The following C2orf49 variants were observed in gnomAD, a reference collection of about 807,000 sequenced individuals.
C2orf49 encodes tRNA splicing ligase complex subunit 2, also known as tRNA-splicing ligase complex subunit ASW.
In C2orf49, 11 loss-of-function variants were observed where a neutral mutation model predicts 20.6. That is an observed-to-expected ratio of 0.53 (90% CI 0.34 to 0.88). The LOEUF is 0.88. Ranked by LOEUF, C2orf49 falls within the 40% of genes least tolerant of loss-of-function variation. C2orf49 has a pLI of 0.02. For synonymous variants in C2orf49, 134 were observed against 108.5 expected (o/e 1.24, Z -1.46); for missense variants, 289 against 274.2 (o/e 1.05, Z -0.38).
rs1484527671 is a variant in C2orf49 at position 105,346,916 on chromosome 2, A to G, written c.*1545A>G. On this transcript the variant is annotated 3_prime_UTR_variant, in exon 4 of 4. Transcript: ENST00000258457. ...ACTGTTCTGCTATGTGTTTCTAAGC[A>G]AGAGCAAAGGATACTTCATACTTTT... is the stretch of plus-strand genomic sequence containing the variant. The G allele has an allele frequency of 6.6e-6, 1 of 152,232 alleles. No individual in the cohort carries two copies. The highest frequency in any genetic ancestry group is 1.5e-5 in the Non-Finnish European group (1 of 68,046). The allele number at this position is 152,232 out of a possible 1,614,324, so 9.4% of individuals were successfully genotyped here. A position where few individuals can be genotyped will look rare whatever the true frequency, so the allele number is the denominator to read the frequency against.
chr2:105,339,825 G>C (rs1679618385), intron 2 of C2orf49, 76 bp downstream of exon 2: 10 of 1,309,232 alleles, frequency 7.6e-6, no homozygotes, highest in Non-Finnish European at 8.1e-6. Flanking sequence ...TTTTTCCTGA[G>C]ATAAACTTAA....
chr2:105,384,080 G>A, the C2orf49 span, among the ~76,000 whole-genome samples: 1 of 152,188 alleles, frequency 6.6e-6, no homozygotes, highest in African/African-American at 2.4e-5. Context: ...TGGAGAAACA[G>A]CAAGTGATTT....
chr2:105,339,556 A>G, intron 1 of C2orf49, 27 bp from the exon 2 acceptor site: 1 of 1,573,164 alleles, frequency 6.4e-7, no homozygotes, highest in Non-Finnish European at 8.6e-7. Flanking sequence ...CATTGTTTTG[A>G]AATTACTTTT....
Position 105,339,593 on chromosome 2 carries a change from C to G in C2orf49, c.110C>G (p.Ala37Gly). The G allele has an allele frequency of 1.3e-6, 2 of 1,585,218 alleles. No individual in the cohort carries two copies. Among genetic ancestry groups the G allele is most frequent in the South Asian group, 1.2e-5 (1 of 84,210 alleles). ...TTTCCTTTCCCGCAGAAGAACATAG[C>G]TGTTGAAACTGATGTAAGAGTAAAC... ...LLLTLEQKNI[A>G]VETDVRVNKD... is the part of the protein sequence containing the mutation. The change falls in exon 2 of 4, where the codon GCT becomes GGT. Residue 37 changes from alanine (A) to glycine (G), a missense_variant. Coordinates refer to ENST00000258457, the MANE Select transcript of C2orf49 (RefSeq NM_024093.3).
In C2orf49 at chr2:105,344,454, TATAG is replaced by T. The variant is rs913591206; in HGVS notation, c.643-859_643-856del. On this transcript the variant is annotated intron_variant, in intron 3 of 3. Coordinates refer to ENST00000258457, the MANE Select transcript of C2orf49 (RefSeq NM_024093.3). ...TTTATAGATATGAGATATATATATA[TATAG>T]AGAGAGAGAGTGTGAGAGAGCTATA... 1.0e-3 allele frequency among the ~76,000 whole-genome samples: 152 copies of T among 151,748 alleles called. 1 individual carries two copies. Among genetic ancestry groups the T allele is most frequent in the Non-Finnish European group, 1.6e-3 (111 of 67,942 alleles).
At chr2:105,349,234 C>G (rs1436458160), downstream of C2orf49, 1 of 152,072 alleles carries the variant, frequency 6.6e-6, no homozygotes, top group African/African-American at 2.4e-5. Context: ...TCTACTTTGT[C>G]TTTTGTTTTG....
the C2orf49 span, among the ~76,000 whole-genome samples, chr2:105,383,789 T>G: frequency 6.6e-6 from 1 of 152,246 alleles, no homozygotes; most frequent in Admixed American, 6.5e-5. Flanking sequence ...TACCCGATTA[T>G]TTTTGAAAGT....
chr2:105,350,091 TC>T (rs537215340), downstream of C2orf49, among the ~76,000 whole-genome samples: 3 of 152,142 alleles, frequency 2.0e-5, no homozygotes, highest in Admixed American at 2.0e-4. Flanking sequence ...TAGTCACCTA[TC>T]CCCCCCGGTC....
chr2:105,372,064 T>C, the C2orf49 span, among the ~76,000 whole-genome samples: 1 of 152,190 alleles, frequency 6.6e-6, no homozygotes, highest in Non-Finnish European at 1.5e-5. Context: ...CCAACAGGGC[T>C]GGGACTGTGT....
the C2orf49 span, among the ~76,000 whole-genome samples, chr2:105,377,119 A>G: frequency 6.6e-6 from 1 of 152,224 alleles, no homozygotes. Flanking sequence ...CTTGAGCAGT[A>G]AGATATACAT....
At position 105,343,232 on chromosome 2, in the gene C2orf49, G is replaced by A; in HGVS notation, c.642+9G>A. ...AAGAGGCAGAGGCCATGGTAAGTAT[G>A]GGGGTGGTTTCCATGCTGGTAAGTG... On this transcript the variant is annotated intron_variant, in intron 3 of 3. Transcript: ENST00000258457. 1 of 1,559,512 alleles carries A rather than the reference G, an allele frequency of 6.4e-7. No homozygotes were observed. Among genetic ancestry groups the A allele is most frequent in the Non-Finnish European group, 8.6e-7 (1 of 1,159,156 alleles).
intron 2 of C2orf49, among the ~76,000 whole-genome samples, chr2:105,340,063 C>G (rs1389178176): frequency 6.6e-6 from 1 of 152,070 alleles, no homozygotes; most frequent in Non-Finnish European, 1.5e-5. Context: ...GTAGAGAGAC[C>G]TGTAGGAAGA....
chr2:105,376,716 C>T, the C2orf49 span: 2 of 152,220 alleles, frequency 1.3e-5, no homozygotes, highest in South Asian at 2.1e-4. Context: ...TGTACATCCA[C>T]GTTCATTGAA....
Position 105,337,545 on chromosome 2 carries a change from C to T in C2orf49, c.-43C>T, listed in dbSNP as rs201450516. The T allele has an allele frequency of 2.5e-6, 4 of 1,612,198 alleles. No individual in the cohort carries two copies. Among genetic ancestry groups the T allele is most frequent in the Middle Eastern group, 1.7e-4 (1 of 6,032 alleles). ...CGTCACTTCCGCAACGCTTCCTTCG[C>T]GGGGCTTTGTGGGTAGCCGACTGGG... is the stretch of plus-strand genomic sequence containing the variant. On this transcript the variant is annotated 5_prime_UTR_variant, in exon 1 of 4. Coordinates refer to ENST00000258457, the MANE Select transcript of C2orf49 (RefSeq NM_024093.3).
rs1019635893 is a variant in C2orf49 at position 105,337,593 on chromosome 2, G to C, written c.6G>C (p.Ala2=). The C allele has an allele frequency of 6.2e-7, 1 of 1,613,198 alleles. No homozygotes were observed. The highest frequency in any genetic ancestry group is 1.7e-5 in the Admixed American group (1 of 59,978). M[A]GDVGGRSCTD... The stretch of plus-strand genomic sequence containing the variant: ...GGGGTCTCCTGGCGACGACCATGGC[G>C]GGGGATGTGGGCGGTCGCAGCTGCA... The change falls in exon 1 of 4, where the codon GCG becomes GCC. Residue 2 remains alanine, a synonymous_variant. Transcript: ENST00000258457.
At chr2:105,352,429 G>GTTTTTTTTTTTTTTTTTTTTTTTGTTT (rs61585149), downstream of C2orf49, among the ~76,000 whole-genome samples, 6 of 80,754 alleles carry the variant, frequency 7.4e-5, no homozygotes, top group African/African-American at 2.1e-4. Context: ...GTTTGTTTGG[G>GTTTTTTTTTTTTTTTTTTTTTTTGTTT]TTTTTTTTTT....
At chr2:105,370,648 T>C in the C2orf49 span, among the ~76,000 whole-genome samples, 4 of 152,212 alleles carry the variant, frequency 2.6e-5, no homozygotes, top group Non-Finnish European at 5.9e-5. Flanking sequence ...AGCTGTGCAC[T>C]GACGCTGTAA....
intron 2 of C2orf49, among the ~76,000 whole-genome samples, chr2:105,342,302 A>G (rs908560957): frequency 2.6e-5 from 4 of 152,240 alleles, no homozygotes; most frequent in Non-Finnish European, 5.9e-5. Flanking sequence ...TTAGATTTCC[A>G]GAAGGTAAGT....
chr2:105,368,482 C>G, the C2orf49 span, among the ~76,000 whole-genome samples: 2 of 152,190 alleles, frequency 1.3e-5, no homozygotes, highest in Admixed American at 1.3e-4. Context: ...GTGCACACCA[C>G]CATGCCTGGC....
Sources: allele counts gnomAD v4.1 joint callset (sites outside exome capture counted in the v4.1 genomes callset), GRCh38; gene constraint gnomAD v4.1.1; transcripts MANE v1.5; gene names NCBI Gene and HGNC (gene_info 2026-07-23, HGNC 2026-07-21).